IRX2: variants seen among roughly 807,000 people sequenced by gnomAD.
IRX2 encodes iroquois homeobox 2.
IRX2 carries 26 observed loss-of-function variants against 42.9 expected under a neutral mutation model. The ratio of observed to expected loss-of-function variants is 0.61; its 90% CI spans 0.44 to 0.84. IRX2 has a LOEUF of 0.84. Among genes scored for constraint, IRX2 ranks in the 40% least tolerant of loss-of-function variants. IRX2 has a pLI of 0.00. For missense variants in IRX2, 782 were observed against 713.9 expected, an observed-to-expected ratio of 1.10 and a Z score of -1.09; for synonymous variants, 424 against 353.9, an observed-to-expected ratio of 1.20 and a Z score of -2.22.
At chr5:2,745,722 AC>A (rs1192907684), downstream of IRX2, 1 of 152,170 alleles carries the variant, frequency 6.6e-6, no homozygotes, top group Non-Finnish European at 1.5e-5. Context: ...TTTAAAAAAA[AC>A]AATTATTTCC....
the IRX2 span, among the ~76,000 whole-genome samples, chr5:2,738,581 C>T: frequency 6.6e-6 from 1 of 152,080 alleles, no homozygotes; most frequent in East Asian, 1.9e-4. Context: ...CCCAGGGAAG[C>T]CTTCACCCTC....
At chr5:2,739,712 C>T in the IRX2 span, among the ~76,000 whole-genome samples, 1 of 152,194 alleles carries the variant, frequency 6.6e-6, no homozygotes, top group Admixed American at 6.5e-5. Context: ...CTGCTTTGTT[C>T]ACCCTGCGCG....
In IRX2 at chr5:2,748,588, C is replaced by A; in HGVS notation, c.1120G>T (p.Ala374Ser). The A allele has an allele frequency of 1.3e-6, 2 of 1,550,914 alleles. No individual in the cohort carries two copies. Among genetic ancestry groups the A allele is most frequent in the Non-Finnish European group, 1.7e-6 (2 of 1,151,908 alleles). Residue 374 changes from alanine (A) to serine (S), a missense_variant, in exon 3 of 4, where the codon GCC (alanine) becomes TCC (serine). Ala to Ser is a moderately conservative substitution (Grantham distance 99, BLOSUM62 1). Transcript: ENST00000302057. The stretch of plus-strand genomic sequence containing the variant: ...AGGGGGCGGCCCAGCAGCGGCGAGG[C>A]AGGGTAGGGCGAGCCTCCTGGCGGT... ...GAPPGGSPYP[A>S]SPLLGRPLYY... is the part of the protein sequence containing the mutation.
the IRX2 span, among the ~76,000 whole-genome samples, chr5:2,738,135 A>G: frequency 1.3e-5 from 2 of 152,224 alleles, no homozygotes; most frequent in Non-Finnish European, 2.9e-5. Context: ...AGCTCCTGCA[A>G]AGTCTGTTTG....
Position 2,751,127 on chromosome 5 carries a change from G to A in IRX2, c.249+38C>T, listed in dbSNP as rs924663768. 1.8e-5 allele frequency: 22 copies of A among 1,218,174 alleles called. No individual in the cohort carries two copies. The highest frequency in any genetic ancestry group is 3.2e-5 in the African/African-American group (2 of 63,040). 75.5% of individuals were successfully genotyped at this position (1,218,174 alleles called of 1,614,324 possible). On this transcript the variant is annotated intron_variant, in intron 1 of 3. Transcript: ENST00000302057. This position sits in a 1 kb window ranked among gnomAD's most constrained non-coding sequence, Gnocchi z 4.0. ...CCGCCTGAGCCCCGTCTGGGTCCCG[G>A]CGCCCAGGAGTCCCGCGTCCCGCCC...
the IRX2 span, among the ~76,000 whole-genome samples, chr5:2,740,230 C>G: frequency 2.0e-5 from 3 of 151,860 alleles, no homozygotes; most frequent in Non-Finnish European, 4.4e-5. Context: ...TCTCGGTCTG[C>G]GGCCTCCCTG....
chr5:2,750,553 G>T (rs1737909086), intron 1 of IRX2, among the ~76,000 whole-genome samples: 1 of 152,220 alleles, frequency 6.6e-6, no homozygotes, highest in South Asian at 2.1e-4. Flanking sequence ...GAGGACTCAG[G>T]CGGCCCTTAG....
downstream of IRX2, among the ~76,000 whole-genome samples, chr5:2,742,522 T>C (rs942205102): frequency 1.3e-5 from 2 of 152,220 alleles, no homozygotes; most frequent in Non-Finnish European, 2.9e-5. Context: ...TTGTGTATTG[T>C]TCCCAAGATA....
At chr5:2,742,195 G>A (rs1305056350), downstream of IRX2, among the ~76,000 whole-genome samples, 1 of 152,152 alleles carries the variant, frequency 6.6e-6, no homozygotes, top group Admixed American at 6.5e-5. Flanking sequence ...CTAAAACTGG[G>A]GCTCAAAGTG....
At chr5:2,740,631 G>C in the IRX2 span, among the ~76,000 whole-genome samples, 1 of 152,132 alleles carries the variant, frequency 6.6e-6, no homozygotes, top group South Asian at 2.1e-4. Flanking sequence ...CCCTGGGTGG[G>C]CGTTTAAGGG....
intron 3 of IRX2, among the ~76,000 whole-genome samples, chr5:2,747,965 T>A (rs1357984206): frequency 6.6e-6 from 1 of 152,170 alleles, no homozygotes; most frequent in Non-Finnish European, 1.5e-5. Context: ...TCTGTTTGCC[T>A]CTAGCCAACG....
intron 2 of IRX2, 69 bp downstream of exon 2, chr5:2,749,313 C>T: frequency 6.6e-7 from 1 of 1,523,998 alleles, no homozygotes; most frequent in Non-Finnish European, 8.8e-7. Context: ...ACGTCCTCCC[C>T]GCCTTAGCTC....
the IRX2 span, among the ~76,000 whole-genome samples, chr5:2,740,014 G>A: frequency 6.6e-6 from 1 of 151,918 alleles, no homozygotes; most frequent in Non-Finnish European, 1.5e-5. Context: ...GGGTTCTTCT[G>A]GGTCGGTTGG....
At chr5:2,750,610 G>C (rs1737914058) in intron 1 of IRX2, among the ~76,000 whole-genome samples, 2 of 152,222 alleles carry the variant, frequency 1.3e-5, no homozygotes, top group Admixed American at 1.3e-4. Flanking sequence ...TGGTCCGCTG[G>C]ACAGAGTAAG....
chr5:2,747,607 T>C lies in IRX2; in HGVS notation c.1373A>G (p.Glu458Gly), dbSNP rs1442943910. Residue 458 changes from glutamate (E) to glycine (G), a missense_variant, in exon 4 of 4, where the codon GAG (glutamate) becomes GGG (glycine). By Grantham distance (98) the Glu-to-Gly change is moderately conservative. Around this residue, in one of 3 missense-constraint regions of IRX2, gnomAD observed 520 missense variants for 437.8 expected, o/e 1.19. Coordinates refer to ENST00000302057, the MANE Select transcript of IRX2 (RefSeq NM_033267.5). Reference protein sequence around the residue: ...GGYEPKKDASEGCTVVGGGVQ... With the variant: ...GGYEPKKDASGGCTVVGGGVQ... ...GCCCCCGCCAACCACGGTGCAGCCCTCGCTGGCATCTGTCAGGGGAGTGGG... is the reference window on the plus strand; with the variant it reads ...GCCCCCGCCAACCACGGTGCAGCCCCCGCTGGCATCTGTCAGGGGAGTGGG... 2 of 1,613,958 alleles carry C rather than the reference T, an allele frequency of 1.2e-6. No homozygotes were observed. The highest frequency in any genetic ancestry group is 3.3e-5 in the Admixed American group (2 of 60,030).
downstream of IRX2, among the ~76,000 whole-genome samples, chr5:2,743,017 C>T (rs778694818): frequency 4.6e-5 from 7 of 152,228 alleles, no homozygotes; most frequent in Non-Finnish European, 1.0e-4. Flanking sequence ...TCTCGCCTCC[C>T]AGAATCCGCA....
At position 2,751,651 on chromosome 5, in the gene IRX2, G is replaced by C. The variant is rs1406851731; in HGVS notation, c.-238C>G. On this transcript the variant is annotated 5_prime_UTR_variant, in exon 1 of 4. Transcript: ENST00000302057. This position sits in a 1 kb window ranked among gnomAD's most constrained non-coding sequence, Gnocchi z 4.0. ...AGCCGCGCGCCAGGCCGGCGGTCGGGGTTTGGGGGAGTCTGGAGTCGGGAG... is the reference window on the plus strand; with the variant it reads ...AGCCGCGCGCCAGGCCGGCGGTCGGCGTTTGGGGGAGTCTGGAGTCGGGAG... The C allele has an allele frequency of 2.0e-5, 3 of 151,380 alleles. No homozygotes were observed. The highest frequency in any genetic ancestry group is 7.3e-5 in the African/African-American group (3 of 41,138). 9.4% of individuals were successfully genotyped at this position (151,380 alleles called of 1,614,324 possible).
At chr5:2,750,878 G>A (rs1384729077) in intron 1 of IRX2, among the ~76,000 whole-genome samples, 3 of 152,182 alleles carry the variant, frequency 2.0e-5, no homozygotes, top group Non-Finnish European at 2.9e-5. Flanking sequence ...CCCCGGCGGA[G>A]ACGCACTTCC....
chr5:2,743,545 A>G (rs1737591001), downstream of IRX2, among the ~76,000 whole-genome samples: 1 of 151,994 alleles, frequency 6.6e-6, no homozygotes, highest in South Asian at 2.1e-4. Flanking sequence ...CGGAGCCGGG[A>G]GCGCGCCCAG....
Sources: allele counts gnomAD v4.1 joint callset (sites outside exome capture counted in the v4.1 genomes callset), GRCh38; gene constraint gnomAD v4.1.1; regional missense constraint gnomAD v4.1.1; non-coding constraint Gnocchi (gnomAD v3.1); transcripts MANE v1.5; gene names NCBI Gene and HGNC (gene_info 2026-07-23, HGNC 2026-07-21).